Variants in NECAB2 observed in about 807,000 individuals in gnomAD.
NECAB2 encodes N-terminal EF-hand calcium binding protein 2, also known as N-terminal EF-hand calcium-binding protein 2.
Under a neutral mutation model 51.9 loss-of-function variants are expected in NECAB2, and 68 were observed. That is an observed-to-expected ratio of 1.31 (90% CI 1.08 to 1.60). The LOEUF (loss-of-function observed/expected upper bound fraction) is 1.60. Among genes scored for constraint, NECAB2 ranks in the 40% most tolerant of loss-of-function variants. The probability of loss-of-function intolerance (pLI) is 0.00; values close to 1 mark genes in which losing one functional copy is unlikely to be tolerated. For synonymous variants in NECAB2, 329 were observed against 203.5 expected (o/e 1.62, Z -5.25); for missense variants, 854 against 490.3 (o/e 1.74, Z -7.00).
intron 2 of NECAB2, among the ~76,000 whole-genome samples, chr16:83,974,380 C>A (rs1290652712): frequency 1.3e-5 from 2 of 152,194 alleles, no homozygotes; most frequent in African/African-American, 2.4e-5. Flanking sequence ...GCTCTCCTGG[C>A]TTCGCTCATT....
chr16:83,976,547 C>G (rs1231966419), intron 2 of NECAB2, among the ~76,000 whole-genome samples: 1 of 152,154 alleles, frequency 6.6e-6, no homozygotes, highest in Non-Finnish European at 1.5e-5. Flanking sequence ...GCAACAACTT[C>G]GATTTCACTT....
intron 2 of NECAB2, among the ~76,000 whole-genome samples, chr16:83,975,004 C>A (rs1317811340): frequency 2.1e-3 from 152 of 72,436 alleles, no homozygotes; most frequent in South Asian, 3.8e-3. Flanking sequence ...GAATGTGAAC[C>A]GGTGTGCAGG....
chr16:83,967,165 C>G (rs2084290173), upstream of NECAB2, among the ~76,000 whole-genome samples: 1 of 152,182 alleles, frequency 6.6e-6, no homozygotes, highest in African/African-American at 2.4e-5. Context: ...AGCCACCACA[C>G]CCTTCCAGCA....
intron 5 of NECAB2, among the ~76,000 whole-genome samples, chr16:83,984,317 C>G (rs1378162022): frequency 6.6e-6 from 1 of 151,686 alleles, no homozygotes; most frequent in Non-Finnish European, 1.5e-5. Flanking sequence ...ACAAAACTGC[C>G]CTGGGCATAG....
intron 6 of NECAB2, 102 bp from the exon 7 acceptor site, chr16:83,994,200 A>G (rs1252570406): frequency 2.0e-6 from 2 of 1,017,614 alleles, no homozygotes; most frequent in African/African-American, 3.2e-5. Flanking sequence ...TGCATGTGTG[A>G]GTCCACTGTC....
chr16:83,970,717 G>T, intron 1 of NECAB2, among the ~76,000 whole-genome samples: 1 of 152,164 alleles, frequency 6.6e-6, no homozygotes, highest in Non-Finnish European at 1.5e-5. Context: ...CTCTCCCTGG[G>T]TCTCAGTACC....
upstream of NECAB2, chr16:83,965,773 C>T (rs763863057): frequency 1.8e-5 from 29 of 1,613,046 alleles, no homozygotes; most frequent in East Asian, 8.9e-5. Flanking sequence ...GCTCCCACCC[C>T]GACCTCTCCT....
chr16:83,983,235 T>A (rs1015064581), intron 5 of NECAB2, among the ~76,000 whole-genome samples: 8 of 152,356 alleles, frequency 5.3e-5, no homozygotes, highest in African/African-American at 1.7e-4. Context: ...TTGTTTTGAA[T>A]GCTTTTCTTG....
At chr16:83,965,923 G>T, upstream of NECAB2, 1 of 1,612,666 alleles carries the variant, frequency 6.2e-7, no homozygotes, top group Non-Finnish European at 8.5e-7. Context: ...CGCTGGCCGG[G>T]GACAACTTCG....
intron 5 of NECAB2, 31 bp from the exon 6 acceptor site, chr16:83,990,463 C>G (rs759782914): frequency 1.9e-6 from 3 of 1,610,774 alleles, no homozygotes; most frequent in African/African-American, 1.3e-5. Context: ...CCACCCCTTT[C>G]CCCTCAGTGC....
intron 1 of NECAB2, chr16:83,971,360 T>TA (rs1434274136): frequency 2.0e-5 from 3 of 152,150 alleles, no homozygotes; most frequent in African/African-American, 7.2e-5. Flanking sequence ...TGAGGAGGTT[T>TA]TGAAAGCTCT....
upstream of NECAB2, chr16:83,965,959 G>A (rs1232821939): frequency 6.2e-7 from 1 of 1,608,822 alleles, no homozygotes; most frequent in African/African-American, 1.3e-5. Flanking sequence ...GGGGCGCCTT[G>A]GCTGTGGCCA....
intron 5 of NECAB2, among the ~76,000 whole-genome samples, chr16:83,987,356 T>C (rs2151093092): frequency 6.6e-6 from 1 of 152,322 alleles, no homozygotes; most frequent in East Asian, 1.9e-4. Context: ...TAAATCTTTG[T>C]GTTTCTAATG....
intron 8 of NECAB2, among the ~76,000 whole-genome samples, chr16:83,995,827 G>GT (rs1480636372): frequency 1.3e-5 from 2 of 152,206 alleles, no homozygotes; most frequent in African/African-American, 4.8e-5. Flanking sequence ...CTGAGGTGGA[G>GT]TTACCCCCTT....
intron 5 of NECAB2, among the ~76,000 whole-genome samples, chr16:83,983,343 C>T (rs1241900698): frequency 6.6e-6 from 1 of 152,172 alleles, no homozygotes; most frequent in Non-Finnish European, 1.5e-5. Flanking sequence ...CCTGTCTATC[C>T]TGTGGCATTT....
chr16:83,977,472 C>T (rs192407126), intron 2 of NECAB2, among the ~76,000 whole-genome samples: 4 of 152,104 alleles, frequency 2.6e-5, no homozygotes, highest in Non-Finnish European at 5.9e-5. Context: ...ACCCACAAGA[C>T]CTTCCTGGTA....
intron 8 of NECAB2, 67 bp downstream of exon 8, chr16:83,994,755 G>C: frequency 1.9e-6 from 3 of 1,565,696 alleles, no homozygotes; most frequent in South Asian, 2.3e-5. Context: ...GTTAAGCCTG[G>C]AGTTCAGGAC....
intron 2 of NECAB2, among the ~76,000 whole-genome samples, chr16:83,973,554 C>A (rs753818866): frequency 2.6e-5 from 4 of 152,156 alleles, no homozygotes; most frequent in Admixed American, 1.3e-4. Context: ...GGAAAAACAG[C>A]CGTAGCATCA....
At chr16:83,974,876 G>A (rs1256298103) in intron 2 of NECAB2, among the ~76,000 whole-genome samples, 2 of 149,558 alleles carry the variant, frequency 1.3e-5, no homozygotes, top group Non-Finnish European at 3.0e-5. Flanking sequence ...GCAGGGAGGT[G>A]TGGGTGCAGG....
Sources: gnomAD v4.1 joint callset for allele counts (sites outside exome capture counted in the v4.1 genomes callset) on GRCh38, gnomAD v4.1.1 for gene constraint, MANE v1.5 for transcripts, NCBI Gene and HGNC (gene_info 2026-07-23, HGNC 2026-07-21) for gene names.